MCOLN1: variants seen among roughly 807,000 people sequenced by gnomAD.
The protein encoded by MCOLN1 is mucolipin TRP cation channel 1.
In MCOLN1, 50 loss-of-function variants were observed where a neutral mutation model predicts 70.3. The ratio of observed to expected loss-of-function variants is 0.71; its 90% CI spans 0.57 to 0.90. The LOEUF is 0.90. MCOLN1 is among the 40% of genes least tolerant of loss of function. The pLI is 0.00. For missense variants in MCOLN1, 598 were observed against 803.5 expected, an observed-to-expected ratio of 0.74 and a Z score of 3.09; for synonymous variants, 366 against 341.0, an observed-to-expected ratio of 1.07 and a Z score of -0.81.
intron 12 of MCOLN1, 106 bp from the exon 13 acceptor site, chr19:7,533,417 C>T (rs2022695039): frequency 3.3e-6 from 5 of 1,496,278 alleles, no homozygotes; most frequent in Non-Finnish European, 4.6e-6. Context: ...TGCAAAGGCC[C>T]GGAGGTGGGA....
intron 1 of MCOLN1, 122 bp downstream of exon 1, chr19:7,522,903 G>A: frequency 1.1e-6 from 1 of 904,718 alleles, no homozygotes; most frequent in Non-Finnish European, 1.5e-6. Flanking sequence ...TTTCACGGTG[G>A]AGAAAAGGGC....
chr19:7,528,779 T>C lies in MCOLN1; in HGVS notation c.985-42T>C. The C allele has an allele frequency of 6.2e-7, 1 of 1,614,084 alleles. No homozygotes were observed. On this transcript the variant is annotated intron_variant, in intron 8 of 13. Coordinates refer to ENST00000264079, the MANE Select transcript of MCOLN1 (RefSeq NM_020533.3). This position sits in a 1 kb window ranked among gnomAD's most constrained non-coding sequence, Gnocchi z 4.2. ...GCGATAAAAGCCAGGGCTTTGAGGG[T>C]CCTGTGCCTGGTCAGGCCCTCACCC...
Position 7,526,668 on chromosome 19 carries a change from T to C in MCOLN1, c.405+62T>C. ...GTGCAGGTGGGCGGGCAGGTGCAGT[T>C]GGGCGGGCAGGTGCTGGTGGGCGGG... On this transcript the variant is annotated intron_variant, in intron 3 of 13. Coordinates refer to ENST00000264079, the MANE Select transcript of MCOLN1 (RefSeq NM_020533.3). The surrounding 1 kb of genome is among the most constrained non-coding windows in gnomAD (Gnocchi z 4.6). 3.8e-6 allele frequency: 5 copies of C among 1,309,782 alleles called. No individual in the cohort carries two copies. Among genetic ancestry groups the C allele is most frequent in the Non-Finnish European group, 5.1e-6 (5 of 978,336 alleles). The allele number at this position is 1,309,782 out of a possible 1,614,324, so 81.1% of individuals were successfully genotyped here.
chr19:7,529,615 C>T lies in MCOLN1; in HGVS notation c.1262C>T (p.Ala421Val). Reference sequence around the variant, plus strand: ...ATCCTCATCGCCACACTGCGGGTGGCCCTGCCCAGCGTCATGCGCTTCTGC... The same window carrying T: ...ATCCTCATCGCCACACTGCGGGTGGTCCTGCCCAGCGTCATGCGCTTCTGC... ...YNILIATLRVALPSVMRFCCC... is the reference protein window; with the variant it reads ...YNILIATLRVVLPSVMRFCCC... Residue 421 changes from alanine to valine, a missense_variant, in exon 11 of 14, where the codon GCC becomes GTC. By Grantham distance (64) the Ala-to-Val change is moderately conservative. Around this residue, in one of 3 missense-constraint regions of MCOLN1, gnomAD observed 461 missense variants for 588.4 expected, o/e 0.78. Transcript: ENST00000264079. The T allele has an allele frequency of 6.3e-7, 1 of 1,578,300 alleles. No homozygotes were observed. The highest frequency in any genetic ancestry group is 2.4e-5 in the East Asian group (1 of 41,956).
chr19:7,526,511 C>G lies in MCOLN1; in HGVS notation c.310C>G (p.Leu104Val). ...REENTIAFRHLFLLGYSDGAD... is the reference protein window; with the variant it reads ...REENTIAFRHVFLLGYSDGAD... ...AGAGAACACCATCGCCTTCCGACAC[C>G]TCTTCCTGCTGGGCTACTCGGACGG... The change falls in exon 3 of 14, where the codon CTC becomes GTC. Residue 104 changes from leucine to valine, a missense_variant. Leu to Val is a conservative substitution (Grantham distance 32). Coordinates refer to ENST00000264079, the MANE Select transcript of MCOLN1 (RefSeq NM_020533.3). This position sits in a 1 kb window ranked among gnomAD's most constrained non-coding sequence, Gnocchi z 4.6. 6.2e-7 allele frequency: 1 copy of G among 1,614,258 alleles called. No homozygotes were observed. The highest frequency in any genetic ancestry group is 8.5e-7 in the Non-Finnish European group (1 of 1,180,050).
intron 6 of MCOLN1, 25 bp downstream of exon 6, chr19:7,527,985 G>A (rs1470781996): frequency 2.5e-6 from 4 of 1,599,378 alleles, no homozygotes; most frequent in Admixed American, 1.7e-5. Context: ...GAACCCACAG[G>A]GCTCCTGAGT....
At position 7,527,960 on chromosome 19, in the gene MCOLN1, G is replaced by C. The variant is rs2022596783; in HGVS notation, c.777G>C (p.Leu259=). The stretch of plus-strand genomic sequence containing the variant: ...CGGACTGCTATACCTTCAGCGTCCT[G>C]GTGAGGCCCCCCGGGAACCCACAGG... ...EIPDCYTFSV[L]ITFDNKAHSG... The change falls in exon 6 of 14, where the codon CTG becomes CTC. Residue 259 remains leucine (L), a splice_region_variant and synonymous_variant. Coordinates refer to ENST00000264079, the MANE Select transcript of MCOLN1 (RefSeq NM_020533.3). 8 of 1,613,416 alleles carry C rather than the reference G, an allele frequency of 5.0e-6. No individual in the cohort carries two copies. The highest frequency in any genetic ancestry group is 1.3e-5 in the African/African-American group (1 of 75,012).
chr19:7,529,850 C>G (rs2022629047), intron 11 of MCOLN1, 138 bp downstream of exon 11: 3 of 1,057,252 alleles, frequency 2.8e-6, no homozygotes, highest in South Asian at 1.3e-5. Context: ...GACACTGACC[C>G]TGTGCCATTA....
In MCOLN1 at chr19:7,528,233, A is replaced by G; in HGVS notation, c.853A>G (p.Lys285Glu). The G allele has an allele frequency of 6.2e-7, 1 of 1,614,070 alleles. No individual in the cohort carries two copies. The highest frequency in any genetic ancestry group is 8.5e-7 in the Non-Finnish European group (1 of 1,179,976). ...GACCCAGGCCCACATCCAGGAGTGTAAGCACCCCAGTGTCTTCCAGCACGG... is the reference window on the plus strand; with the variant it reads ...GACCCAGGCCCACATCCAGGAGTGTGAGCACCCCAGTGTCTTCCAGCACGG... The part of the protein sequence containing the change: ...LETQAHIQEC[K>E]HPSVFQHGDN... The change falls in exon 7 of 14, where the codon AAG becomes GAG. Residue 285 changes from lysine (K) to glutamate (E), a missense_variant. Physicochemically the swap from Lys to Glu is moderately conservative, Grantham distance 56 (BLOSUM62 1). Coordinates refer to ENST00000264079, the MANE Select transcript of MCOLN1 (RefSeq NM_020533.3). This position sits in a 1 kb window ranked among gnomAD's most constrained non-coding sequence, Gnocchi z 4.2.
At chr19:7,532,792 T>G (rs1320619016) in intron 12 of MCOLN1, among the ~76,000 whole-genome samples, 1 of 152,240 alleles carries the variant, frequency 6.6e-6, no homozygotes, top group Non-Finnish European at 1.5e-5. Flanking sequence ...ACTTGCACCA[T>G]CCTGTATCCA....
At position 7,528,995 on chromosome 19, in the gene MCOLN1, C is replaced by A. The variant is rs2022614564; in HGVS notation, c.1134+25C>A. The A allele has an allele frequency of 1.2e-6, 2 of 1,614,038 alleles. No homozygotes were observed. The highest frequency in any genetic ancestry group is 8.5e-7 in the Non-Finnish European group (1 of 1,180,018). Reference sequence around the variant, plus strand: ...GGTGCGTCCTGCCAACACCCTGGGCCCCAGGTCCCATCCCTGCTGTCAGTG... The same window carrying A: ...GGTGCGTCCTGCCAACACCCTGGGCACCAGGTCCCATCCCTGCTGTCAGTG... On this transcript the variant is annotated intron_variant, in intron 9 of 13. Transcript: ENST00000264079. This position sits in a 1 kb window ranked among gnomAD's most constrained non-coding sequence, Gnocchi z 4.2.
chr19:7,526,100 C>T lies in MCOLN1; in HGVS notation c.238-339C>T. 2.5e-6 allele frequency: 1 copy of T among 393,506 alleles called. No homozygotes were observed. Among genetic ancestry groups the T allele is most frequent in the Non-Finnish European group, 4.8e-6 (1 of 207,478 alleles). The allele number at this position is 393,506 out of a possible 1,614,324, so 24.4% of individuals were successfully genotyped here. A position where few individuals can be genotyped will look rare whatever the true frequency, so the allele number is the denominator to read the frequency against. ...AAAGGGACCCAGTCATGGTACTTAC[C>T]CTGAAAGTTTGGGTTTAACACAGAA... On this transcript the variant is annotated intron_variant, in intron 2 of 13. Transcript: ENST00000264079. This position sits in a 1 kb window ranked among gnomAD's most constrained non-coding sequence, Gnocchi z 4.6.
chr19:7,530,871 G>A (rs1309002596), intron 12 of MCOLN1, among the ~76,000 whole-genome samples: 2 of 152,156 alleles, frequency 1.3e-5, no homozygotes, highest in Admixed American at 6.5e-5. Context: ...CTCCTGAGTA[G>A]CTGGGACTAC....
Position 7,526,334 on chromosome 19 carries a change from G to T in MCOLN1, c.238-105G>T. On this transcript the variant is annotated intron_variant, in intron 2 of 13. Coordinates refer to ENST00000264079, the MANE Select transcript of MCOLN1 (RefSeq NM_020533.3). The surrounding 1 kb of genome is among the most constrained non-coding windows in gnomAD (Gnocchi z 4.6). Reference sequence around the variant, plus strand: ...AGCAGGGCCCTGCCCCACCCCAGTGGACATCTGCAGGGCCCTCCCTGTCCT... The same window carrying T: ...AGCAGGGCCCTGCCCCACCCCAGTGTACATCTGCAGGGCCCTCCCTGTCCT... 7.4e-7 allele frequency: 1 copy of T among 1,355,966 alleles called. No homozygotes were observed. 84.0% of individuals were successfully genotyped at this position (1,355,966 alleles called of 1,614,324 possible).
At chr19:7,523,916 A>G (rs1430599982) in intron 1 of MCOLN1, among the ~76,000 whole-genome samples, 1 of 151,128 alleles carries the variant, frequency 6.6e-6, no homozygotes, top group Admixed American at 6.6e-5. Flanking sequence ...GCATAATCCT[A>G]GCTCATTGTA....
rs1186459229 is a variant in MCOLN1, at chr19:7,529,191, C to G, written c.1225C>G (p.His409Asp). The G allele has an allele frequency of 6.2e-7, 1 of 1,612,738 alleles. No homozygotes were observed. The highest frequency in any genetic ancestry group is 8.5e-7 in the Non-Finnish European group (1 of 1,179,878). The stretch of plus-strand genomic sequence containing the variant: ...CGTGATCCGCTACCTGACCTTCTTC[C>G]ACAACTACAATGTGAGTTTTGCACA... ...VGVIRYLTFF[H>D]NYNILIATLR... The change falls in exon 10 of 14, where the codon CAC (histidine) becomes GAC (aspartate). Residue 409 changes from histidine to aspartate, a missense_variant. This residue lies in a region of MCOLN1 where 461 missense variants were observed against 588.4 expected (regional missense o/e 0.78). Coordinates refer to ENST00000264079, the MANE Select transcript of MCOLN1 (RefSeq NM_020533.3).
intron 1 of MCOLN1, among the ~76,000 whole-genome samples, chr19:7,523,181 T>A (rs1377248809): frequency 2.0e-5 from 3 of 152,194 alleles, no homozygotes; most frequent in Non-Finnish European, 4.4e-5. Flanking sequence ...AGGGGACAAA[T>A]GCTCAGCTTC....
Position 7,533,936 on chromosome 19 carries a change from C to A in MCOLN1, c.*141C>A. On this transcript the variant is annotated 3_prime_UTR_variant, in exon 14 of 14. Transcript: ENST00000264079. ...GAGGGCCTGGACCTTTCGTGTCGGA[C>A]CCTTGGGGGCGGGGAGACTGGGTGG... 2.1e-6 allele frequency: 2 copies of A among 941,650 alleles called. No individual in the cohort carries two copies. Among genetic ancestry groups the A allele is most frequent in the Non-Finnish European group, 1.7e-6 (1 of 600,130 alleles). 58.3% of individuals were successfully genotyped at this position (941,650 alleles called of 1,614,324 possible). A position where few individuals can be genotyped will look rare whatever the true frequency, so the allele number is the denominator to read the frequency against.
chr19:7,529,480 A>T, intron 10 of MCOLN1, 110 bp from the exon 11 acceptor site: 1 of 1,394,944 alleles, frequency 7.2e-7, no homozygotes, highest in Non-Finnish European at 9.8e-7. Context: ...CCATGACCAC[A>T]CCGGCTGTGC....
Sources: allele counts gnomAD v4.1 joint callset (sites outside exome capture counted in the v4.1 genomes callset), GRCh38; gene constraint gnomAD v4.1.1; regional missense constraint gnomAD v4.1.1; non-coding constraint Gnocchi (gnomAD v3.1); transcripts MANE v1.5; gene names NCBI Gene and HGNC (gene_info 2026-07-23, HGNC 2026-07-21).